SMAD4: variants seen among roughly 807,000 people sequenced by gnomAD.
SMAD4 encodes SMAD family member 4, also known as MAD homolog 4.
SMAD4 carries 7 observed loss-of-function variants against 63.2 expected under a neutral mutation model. The observed-to-expected ratio is 0.11, with a 90% CI of 0.06 to 0.21. SMAD4 has a LOEUF of 0.21. Among genes scored for constraint, SMAD4 ranks in the 10% least tolerant of loss-of-function variants. The pLI, the probability that SMAD4 is intolerant of heterozygous loss-of-function variation, is 1.00. For missense variants in SMAD4, 312 were observed against 693.8 expected, an observed-to-expected ratio of 0.45 and a Z score of 6.18; for synonymous variants, 215 against 235.4, an observed-to-expected ratio of 0.91 and a Z score of 0.79.
In SMAD4 at chr18:51,049,278, C is replaced by T. The variant is rs767419859; in HGVS notation, c.425-17C>T. 46 of 1,535,626 alleles carry T rather than the reference C, an allele frequency of 3.0e-5. No homozygotes were observed. Among genetic ancestry groups the T allele is most frequent in the Non-Finnish European group, 4.0e-5 (44 of 1,110,838 alleles). On this transcript the variant is annotated splice_polypyrimidine_tract_variant and intron_variant, in intron 3 of 11. Coordinates refer to ENST00000342988, the MANE Select transcript of SMAD4 (RefSeq NM_005359.6). ...AATGATTAATGTTTCATTTGTTTTC[C>T]CCTTTAAACAATTAAGATCTCTCAG...
intron 1 of SMAD4, among the ~76,000 whole-genome samples, chr18:51,043,482 C>G (rs1909448963): frequency 6.6e-6 from 1 of 152,162 alleles, no homozygotes; most frequent in Admixed American, 6.5e-5. Flanking sequence ...CGATATTATG[C>G]TCTTGCCTAC....
chr18:51,035,223 T>C (rs1909169753), intron 1 of SMAD4, among the ~76,000 whole-genome samples: 1 of 152,236 alleles, frequency 6.6e-6, no homozygotes. Flanking sequence ...ATTTGAACTG[T>C]CTGGTAGTAA....
intron 4 of SMAD4, among the ~76,000 whole-genome samples, chr18:51,050,614 G>A (rs1466300083): frequency 9.3e-5 from 14 of 150,250 alleles, no homozygotes; most frequent in Admixed American, 9.3e-4. Context: ...AGCCGAGATA[G>A]TGGCACTGCA....
chr18:51,040,353 G>T (rs1031294936), intron 1 of SMAD4, among the ~76,000 whole-genome samples: 6 of 151,846 alleles, frequency 4.0e-5, no homozygotes, highest in Admixed American at 3.9e-4. Context: ...GAACCCAGGA[G>T]GCAGAAGTGG....
At chr18:51,042,069 G>C (rs1375931447) in intron 1 of SMAD4, among the ~76,000 whole-genome samples, 1 of 152,140 alleles carries the variant, frequency 6.6e-6, no homozygotes, top group Admixed American at 6.5e-5. Flanking sequence ...AAGGGATGTT[G>C]TAGAAATTTG....
intron 4 of SMAD4, chr18:51,052,635 G>T: frequency 3.6e-6 from 1 of 275,864 alleles, no homozygotes; most frequent in Non-Finnish European, 7.3e-6. Context: ...TTTTGAATAG[G>T]CAATACATGG....
rs768569083 is a variant in SMAD4 at position 51,081,097 on chromosome 18, A to G, written c.*2630A>G. The G allele has an allele frequency of 8.8e-5, 19 of 215,390 alleles. No homozygotes were observed. The South Asian group carries it at 2.4e-3, about 28-fold the overall frequency. 13.3% of individuals were successfully genotyped at this position (215,390 alleles called of 1,614,324 possible). On this transcript the variant is annotated 3_prime_UTR_variant, in exon 12 of 12. Coordinates refer to ENST00000342988, the MANE Select transcript of SMAD4 (RefSeq NM_005359.6). ...TTCCTGAGAGCTTGGTTGTTAATCTATATTTCTATTTCTTAGTGGTAGTCA... is the reference window on the plus strand; with the variant it reads ...TTCCTGAGAGCTTGGTTGTTAATCTGTATTTCTATTTCTTAGTGGTAGTCA...
At position 51,083,196 on chromosome 18, in the gene SMAD4, T is replaced by C. The variant is rs564744587; in HGVS notation, c.*4729T>C. ...TCAGTAGCCAGAGGCAATACCGTTG[T>C]CTGGAGGACACCAGCAAACAACACA... On this transcript the variant is annotated 3_prime_UTR_variant, in exon 12 of 12. Transcript: ENST00000342988. 2 of 227,626 alleles carry C rather than the reference T, an allele frequency of 8.8e-6. No homozygotes were observed. Among genetic ancestry groups the C allele is most frequent in the East Asian group, 1.3e-4 (2 of 15,796 alleles). 14.1% of individuals were successfully genotyped at this position (227,626 alleles called of 1,614,324 possible).
At chr18:51,055,775 GC>G (rs1909828998) in intron 5 of SMAD4, among the ~76,000 whole-genome samples, 1 of 151,316 alleles carries the variant, frequency 6.6e-6, no homozygotes, top group South Asian at 2.1e-4. Context: ...GCATGCAGTT[GC>G]TAAAGGAATT....
chr18:51,073,723 G>A (rs1383797004), intron 10 of SMAD4, among the ~76,000 whole-genome samples: 1 of 151,894 alleles, frequency 6.6e-6, no homozygotes, highest in African/African-American at 2.4e-5. Context: ...TAGAGATGGG[G>A]TCTCACCATG....
In SMAD4 at chr18:51,079,763, CTG is replaced by C. The variant is rs907313259; in HGVS notation, c.*1297_*1298del. The C allele has an allele frequency of 2.6e-5, 6 of 233,080 alleles. No homozygotes were observed. The highest frequency in any genetic ancestry group is 1.3e-4 in the African/African-American group (6 of 45,300). 14.4% of individuals were successfully genotyped at this position (233,080 alleles called of 1,614,324 possible). Reference sequence around the variant, plus strand: ...TACCTAGCTGGTAGCATAAATAAAACTGAATCTCAACATACAAAGTTGAATTC... The same window carrying C: ...TACCTAGCTGGTAGCATAAATAAAACAATCTCAACATACAAAGTTGAATTC... On this transcript the variant is annotated 3_prime_UTR_variant, in exon 12 of 12. Transcript: ENST00000342988.
In SMAD4 at chr18:51,055,003, A is replaced by G. The variant is rs200331016; in HGVS notation, c.667+10A>G. The G allele has an allele frequency of 2.5e-6, 4 of 1,599,072 alleles. No individual in the cohort carries two copies. The highest frequency in any genetic ancestry group is 2.2e-5 in the South Asian group (2 of 90,818). On this transcript the variant is annotated intron_variant, in intron 5 of 11. Transcript: ENST00000342988. ...CCTGTGGCTTCCACAAGTGAGTTCTAGAATCAGATGTAGTCAGCAAGTTGA... is the reference window on the plus strand; with the variant it reads ...CCTGTGGCTTCCACAAGTGAGTTCTGGAATCAGATGTAGTCAGCAAGTTGA...
chr18:51,041,047 C>T (rs1909364526), intron 1 of SMAD4, among the ~76,000 whole-genome samples: 1 of 152,086 alleles, frequency 6.6e-6, no homozygotes, highest in African/African-American at 2.4e-5. Context: ...AGAAATAGCT[C>T]ACTGATTTCC....
At chr18:51,076,003 T>C (rs1412349485) in intron 10 of SMAD4, among the ~76,000 whole-genome samples, 3 of 152,150 alleles carry the variant, frequency 2.0e-5, no homozygotes, top group Non-Finnish European at 4.4e-5. Context: ...CAAAGAAATG[T>C]AGAGAGAAAC....
At position 51,083,333 on chromosome 18, in the gene SMAD4, G is replaced by A. The variant is rs1371321310; in HGVS notation, c.*4866G>A. 4.4e-6 allele frequency: 1 copy of A among 228,046 alleles called. No homozygotes were observed. The highest frequency in any genetic ancestry group is 8.7e-6 in the Non-Finnish European group (1 of 114,950). The allele number at this position is 228,046 out of a possible 1,614,324, so 14.1% of individuals were successfully genotyped here. A position where few individuals can be genotyped will look rare whatever the true frequency, so the allele number is the denominator to read the frequency against. On this transcript the variant is annotated 3_prime_UTR_variant, in exon 12 of 12. Transcript: ENST00000342988. ...CTGTACAGATATTTTTGACCTATAGGTGCCTTTATGAGAATTGAGGGTCTG... is the reference window on the plus strand; with the variant it reads ...CTGTACAGATATTTTTGACCTATAGATGCCTTTATGAGAATTGAGGGTCTG...
In SMAD4 at chr18:51,082,492, G is replaced by A; in HGVS notation, c.*4025G>A. 1 of 229,286 alleles carries A rather than the reference G, an allele frequency of 4.4e-6. No homozygotes were observed. The highest frequency in any genetic ancestry group is 5.7e-5 in the Admixed American group (1 of 17,648). The allele number at this position is 229,286 out of a possible 1,614,324, so 14.2% of individuals were successfully genotyped here. On this transcript the variant is annotated 3_prime_UTR_variant, in exon 12 of 12. Coordinates refer to ENST00000342988, the MANE Select transcript of SMAD4 (RefSeq NM_005359.6). Reference sequence around the variant, plus strand: ...CTAGGTTGCTTATCTTGTTTATCTGGAATCACTGTGGAGTGAAATTTTCCA... The same window carrying A: ...CTAGGTTGCTTATCTTGTTTATCTGAAATCACTGTGGAGTGAAATTTTCCA...
chr18:51,045,181 G>C (rs1207343929), intron 1 of SMAD4: 2 of 152,206 alleles, frequency 1.3e-5, no homozygotes, highest in Admixed American at 6.5e-5. Flanking sequence ...AAGGAAAGAG[G>C]CACGTCAGAG....
rs974650965 is a variant in SMAD4, at chr18:51,082,744, T to C, written c.*4277T>C. ...TTTTGAATTTTTAGTTTTTTTTTTT[T>C]AACCCACTTCCCCTCCTGGTCTCTT... On this transcript the variant is annotated 3_prime_UTR_variant, in exon 12 of 12. Coordinates refer to ENST00000342988, the MANE Select transcript of SMAD4 (RefSeq NM_005359.6). 3 of 229,912 alleles carry C rather than the reference T, an allele frequency of 1.3e-5. No homozygotes were observed. The highest frequency in any genetic ancestry group is 2.6e-5 in the Non-Finnish European group (3 of 116,078). 14.2% of individuals were successfully genotyped at this position (229,912 alleles called of 1,614,324 possible).
At chr18:51,037,211 A>T (rs938965698) in intron 1 of SMAD4, among the ~76,000 whole-genome samples, 1 of 152,120 alleles carries the variant, frequency 6.6e-6, no homozygotes, top group Admixed American at 6.5e-5. Context: ...TATAAAATGT[A>T]TTTTTCAGTT....
Sources: gnomAD v4.1 joint callset for allele counts (sites outside exome capture counted in the v4.1 genomes callset) on GRCh38, gnomAD v4.1.1 for gene constraint, MANE v1.5 for transcripts, NCBI Gene and HGNC (gene_info 2026-07-23, HGNC 2026-07-21) for gene names.